ZNF726: variants seen among roughly 807,000 people sequenced by gnomAD.
ZNF726 encodes zinc finger protein 92 pseudogene 3.
ZNF726 carries 15 observed loss-of-function variants against 11.6 expected under a neutral mutation model. The observed-to-expected ratio is 1.29, with a 90% CI of 0.86 to 1.99. The LOEUF (loss-of-function observed/expected upper bound fraction) is 1.99. Among genes scored for constraint, ZNF726 ranks in the 30% most tolerant of loss-of-function variants. ZNF726 has a pLI of 0.00. For synonymous variants in ZNF726, 295 were observed against 243.6 expected (o/e 1.21, Z -1.96); for missense variants, 890 against 725.6 (o/e 1.23, Z -2.60).
downstream of ZNF726, among the ~76,000 whole-genome samples, chr19:23,937,005 A>G (rs924890450): frequency 2.6e-5 from 4 of 151,302 alleles, no homozygotes; most frequent in Admixed American, 1.3e-4. Flanking sequence ...GGCCGGGCAG[A>G]GGGGCTCCTC....
intron 3 of ZNF726, chr19:23,928,490 A>G (rs71359966): frequency 6.6e-6 from 1 of 152,150 alleles, no homozygotes; most frequent in African/African-American, 2.4e-5. Context: ...TTGTACATAC[A>G]CATACAGATA....
At chr19:23,937,523 G>A (rs9676489), downstream of ZNF726, among the ~76,000 whole-genome samples, 25,812 of 150,768 alleles carry the variant, frequency 0.17, 2,283 homozygotes, top group East Asian at 0.21. Flanking sequence ...CAGGGCAGAG[G>A]TGCTCCCCAC....
intron 1 of ZNF726, among the ~76,000 whole-genome samples, chr19:23,918,241 G>C (rs1448509182): frequency 6.6e-6 from 1 of 152,018 alleles, no homozygotes; most frequent in African/African-American, 2.4e-5. Flanking sequence ...TTGAAAGCAA[G>C]GGAAAAAAGG....
chr19:23,941,026 A>C (rs1165034902), intron 3 of ZNF726, among the ~76,000 whole-genome samples: 2 of 152,024 alleles, frequency 1.3e-5, no homozygotes, highest in African/African-American at 2.4e-5. Flanking sequence ...GTTGAAGTGG[A>C]GTGTTGAGAA....
At chr19:23,938,426 A>C (rs1038087022), downstream of ZNF726, among the ~76,000 whole-genome samples, 1 of 152,094 alleles carries the variant, frequency 6.6e-6, no homozygotes. Flanking sequence ...AAAAAACCAA[A>C]ATTCTCAAAA....
chr19:23,935,011 AT>A (rs1968203966), downstream of ZNF726, among the ~76,000 whole-genome samples: 1 of 152,230 alleles, frequency 6.6e-6, no homozygotes, highest in Non-Finnish European at 1.5e-5. Flanking sequence ...ACACCATAGC[AT>A]GGGTGAGGGA....
In ZNF726 at chr19:23,914,945, T is replaced by G; in HGVS notation, c.-50T>G. Reference sequence around the variant, plus strand: ...CTCACTACTCTGTGTCTTCTGCTTTTAGGGGCGCAGCCTCTGTGGCCCTGT... The same window carrying G: ...CTCACTACTCTGTGTCTTCTGCTTTGAGGGGCGCAGCCTCTGTGGCCCTGT... On this transcript the variant is annotated 5_prime_UTR_variant, in exon 1 of 4. Transcript: ENST00000594466. 1 of 1,612,912 alleles carries G rather than the reference T, an allele frequency of 6.2e-7. No individual in the cohort carries two copies. The highest frequency in any genetic ancestry group is 8.5e-7 in the Non-Finnish European group (1 of 1,179,842).
intron 1 of ZNF726, 44 bp from the exon 2 acceptor site, chr19:23,919,329 C>A (rs779251438): frequency 6.3e-7 from 1 of 1,588,248 alleles, no homozygotes; most frequent in East Asian, 2.3e-5. Context: ...AAAATTCTGC[C>A]CATAGCCACT....
rs534054020 is a variant in ZNF726, at chr19:23,932,422, A to G, written c.306A>G (p.Arg102=). The G allele has an allele frequency of 1.3e-6, 2 of 1,562,834 alleles. No individual in the cohort carries two copies. The highest frequency in any genetic ancestry group is 2.3e-5 in the East Asian group (1 of 44,142). Reference sequence around the variant, plus strand: ...CTTTTCAAAAAGTAATACTAAGAAGATTTGAAAAATGTGGACATGAGAATT... The same window carrying G: ...CTTTTCAAAAAGTAATACTAAGAAGGTTTGAAAAATGTGGACATGAGAATT... ...EDSFQKVILR[R]FEKCGHENLQ... Residue 102 remains arginine, a synonymous_variant, in exon 4 of 4, where the codon AGA becomes AGG. Transcript: ENST00000594466.
rs753486553 is a variant in ZNF726 at position 23,933,376 on chromosome 19, T to G, written c.1260T>G (p.Thr420=). 3.8e-5 allele frequency: 61 copies of G among 1,612,876 alleles called. No homozygotes were observed. The highest frequency in any genetic ancestry group is 5.2e-5 in the Non-Finnish European group (61 of 1,179,738). ...TTACTAAACATAAGATAATTCATAC[T>G]GGAGAGAAACCTTACAAGTGTGAAG... ...SNLTKHKIIH[T]GEKPYKCEEC... The change falls in exon 4 of 4, where the codon ACT becomes ACG. Residue 420 remains threonine, a synonymous_variant. Transcript: ENST00000594466.
intron 3 of ZNF726, among the ~76,000 whole-genome samples, chr19:23,922,485 G>A (rs1967876910): frequency 6.6e-6 from 1 of 152,182 alleles, no homozygotes; most frequent in African/African-American, 2.4e-5. Context: ...CAGGACCCAC[G>A]CTGCCCATTG....
chr19:23,929,505 C>G (rs1250477303), intron 3 of ZNF726, among the ~76,000 whole-genome samples: 2 of 152,100 alleles, frequency 1.3e-5, no homozygotes, highest in Non-Finnish European at 2.9e-5. Context: ...TTTCATGAGA[C>G]TTATTCACTA....
intron 3 of ZNF726, chr19:23,928,391 G>T (rs1968032936): frequency 6.6e-6 from 1 of 152,004 alleles, no homozygotes; most frequent in Non-Finnish European, 1.5e-5. Context: ...ACGGAAAATG[G>T]GGTCTTGATG....
intron 1 of ZNF726, among the ~76,000 whole-genome samples, chr19:23,918,114 C>T (rs887326596): frequency 3.3e-5 from 5 of 151,900 alleles, no homozygotes; most frequent in African/African-American, 4.8e-5. Context: ...GCCCTTGTGA[C>T]GGGAGGGGTA....
At chr19:23,940,249 C>T (rs1968316963) in intron 3 of ZNF726, among the ~76,000 whole-genome samples, 1 of 152,048 alleles carries the variant, frequency 6.6e-6, no homozygotes, top group African/African-American at 2.4e-5. Context: ...GCCAATTATC[C>T]CAGCACCATT....
At chr19:23,938,077 A>G (rs981622421), downstream of ZNF726, among the ~76,000 whole-genome samples, 10 of 152,210 alleles carry the variant, frequency 6.6e-5, no homozygotes, top group African/African-American at 2.4e-4. Flanking sequence ...GATGGTAACA[A>G]TACACTATTT....
chr19:23,939,614 G>T (rs996477341), intron 3 of ZNF726, among the ~76,000 whole-genome samples: 1 of 152,010 alleles, frequency 6.6e-6, no homozygotes, highest in Non-Finnish European at 1.5e-5. Context: ...TTTCCATAGC[G>T]GCTGTACTAG....
chr19:23,922,543 G>C (rs1345714542), intron 3 of ZNF726, among the ~76,000 whole-genome samples: 1 of 152,202 alleles, frequency 6.6e-6, no homozygotes, highest in Non-Finnish European at 1.5e-5. Flanking sequence ...TACAGAGTAA[G>C]TTTAAAATTC....
intron 3 of ZNF726, chr19:23,923,645 G>A (rs565959038): frequency 3.4e-4 from 57 of 170,134 alleles, no homozygotes; most frequent in Admixed American, 2.0e-3. Flanking sequence ...TGATCTGCCC[G>A]CCTCGGCCTC....
Sources: allele counts gnomAD v4.1 joint callset (sites outside exome capture counted in the v4.1 genomes callset), GRCh38; gene constraint gnomAD v4.1.1; transcripts MANE v1.5; gene names NCBI Gene and HGNC (gene_info 2026-07-23, HGNC 2026-07-21).